The following NEGR1 variants were observed in gnomAD, a reference collection of about 807,000 sequenced individuals.
NEGR1 encodes the protein IgLON family member 4.
Under a neutral mutation model 40.9 loss-of-function variants are expected in NEGR1, and 10 were observed. The observed-to-expected ratio is 0.24, with a 90% CI of 0.15 to 0.42. The LOEUF (loss-of-function observed/expected upper bound fraction) is 0.42. Among genes scored for constraint, NEGR1 ranks in the 10% least tolerant of loss-of-function variants. The pLI, the probability that NEGR1 is intolerant of heterozygous loss-of-function variation, is 1.00. For synonymous variants in NEGR1, 185 were observed against 166.8 expected (o/e 1.11, Z -0.84); for missense variants, 352 against 438.9 (o/e 0.80, Z 1.77).
At chr1:71,634,942 G>A (rs1570132730) in intron 4 of NEGR1, among the ~76,000 whole-genome samples, 2 of 152,184 alleles carry the variant, frequency 1.3e-5, no homozygotes, top group South Asian at 4.1e-4. Context: ...TTAAAGGCCT[G>A]GGCAGGAATA....
At chr1:72,114,411 G>T (rs966387752) in intron 1 of NEGR1, among the ~76,000 whole-genome samples, 8 of 151,608 alleles carry the variant, frequency 5.3e-5, no homozygotes, top group Non-Finnish European at 7.4e-5. Flanking sequence ...ACAATCACAT[G>T]AGCCAATTCC....
intron 6 of NEGR1, among the ~76,000 whole-genome samples, chr1:71,572,184 C>T (rs1187329170): frequency 1.3e-5 from 2 of 152,108 alleles, no homozygotes; most frequent in Non-Finnish European, 2.9e-5. Flanking sequence ...ATTGGTGACC[C>T]CTCTGATCTC....
At chr1:72,143,605 AT>A (rs1650766581) in intron 1 of NEGR1, among the ~76,000 whole-genome samples, 2 of 151,330 alleles carry the variant, frequency 1.3e-5, no homozygotes, top group South Asian at 2.1e-4. Context: ...TTAATTCATT[AT>A]TTTTCTGATT....
At chr1:72,119,693 T>C (rs1649725055) in intron 1 of NEGR1, among the ~76,000 whole-genome samples, 2 of 151,980 alleles carry the variant, frequency 1.3e-5, no homozygotes, top group Admixed American at 1.3e-4. Flanking sequence ...ATATTTTTAG[T>C]TGCCACAGCT....
rs539603961 is a variant in NEGR1 at position 71,396,372 on chromosome 1, A to T, written c.*11074T>A. 2.0e-5 allele frequency: 3 copies of T among 152,356 alleles called. No individual in the cohort carries two copies. The highest frequency in any genetic ancestry group is 7.2e-5 in the African/African-American group (3 of 41,592). The allele number at this position is 152,356 out of a possible 1,614,324, so 9.4% of individuals were successfully genotyped here. A position where few individuals can be genotyped will look rare whatever the true frequency, so the allele number is the denominator to read the frequency against. ...ATTTTATTGTCAAATAAGTGGATGG[A>T]TTAATGAATGAATGAATGCCACATG... On this transcript the variant is annotated 3_prime_UTR_variant, in exon 7 of 7. Coordinates refer to ENST00000357731, the MANE Select transcript of NEGR1 (RefSeq NM_173808.3).
At chr1:72,203,350 C>A (rs1246562215) in intron 1 of NEGR1, among the ~76,000 whole-genome samples, 1 of 151,982 alleles carries the variant, frequency 6.6e-6, no homozygotes, top group Non-Finnish European at 1.5e-5. Flanking sequence ...TTGAGCAGTT[C>A]AAATCTCCAC....
intron 6 of NEGR1, chr1:71,570,886 T>G (rs1227460773): frequency 6.6e-6 from 1 of 152,046 alleles, no homozygotes; most frequent in African/African-American, 2.4e-5. Flanking sequence ...TTATTGTGTT[T>G]GTGTGATTTT....
At chr1:71,593,558 C>A (rs772073112) in intron 5 of NEGR1, among the ~76,000 whole-genome samples, 178 of 152,228 alleles carry the variant, frequency 1.2e-3, no homozygotes, top group Non-Finnish European at 2.1e-3. Context: ...AAAGTTGAGT[C>A]CCATCACTGT....
intron 1 of NEGR1, among the ~76,000 whole-genome samples, chr1:72,174,091 T>TA (rs1398494288): frequency 1.3e-5 from 2 of 152,202 alleles, no homozygotes; most frequent in South Asian, 2.1e-4. Context: ...TTGTTTTTTT[T>TA]AAAAAAACTG....
rs1339899074 is a variant in NEGR1 at position 72,199,146 on chromosome 1, C to CAGAGAGAGAGAGAG, written c.176+83172_176+83173insCTCTCTCTCTCTCT. On this transcript the variant is annotated intron_variant, in intron 1 of 6. Transcript: ENST00000357731. ...TACATTGGAGATCTATCTAGATAGA[C>CAGAGAGAGAGAGAG]AGACAGAGAGAGAGAGAGAGAGAGA... Among the ~76,000 whole-genome samples, 244 of 139,128 alleles carry CAGAGAGAGAGAGAG rather than the reference C, an allele frequency of 1.8e-3. 3 individuals are homozygous for CAGAGAGAGAGAGAG. The highest frequency in any genetic ancestry group is 6.5e-3 in the African/African-American group (232 of 35,654). The allele number at this position is 139,128 out of a possible 152,430, so 91.3% of individuals were successfully genotyped here. A position where few individuals can be genotyped will look rare whatever the true frequency, so the allele number is the denominator to read the frequency against.
At chr1:71,662,943 GT>G (rs1652115407) in intron 4 of NEGR1, among the ~76,000 whole-genome samples, 1 of 151,228 alleles carries the variant, frequency 6.6e-6, no homozygotes, top group East Asian at 1.9e-4. Context: ...TACCAGTTTT[GT>G]TTTTTAGTGT....
At chr1:72,047,682 T>G (rs907190917) in intron 1 of NEGR1, among the ~76,000 whole-genome samples, 1 of 151,406 alleles carries the variant, frequency 6.6e-6, no homozygotes, top group Non-Finnish European at 1.5e-5. Flanking sequence ...CTATTATAAG[T>G]AATCACTCTA....
chr1:71,509,145 A>G (rs1647056040), intron 6 of NEGR1, among the ~76,000 whole-genome samples: 1 of 152,212 alleles, frequency 6.6e-6, no homozygotes. Context: ...GCCCTCAGGA[A>G]GAGTAACTGC....
intron 1 of NEGR1, among the ~76,000 whole-genome samples, chr1:71,948,728 G>A (rs182935437): frequency 1.5e-4 from 23 of 152,084 alleles, no homozygotes; most frequent in African/African-American, 5.3e-4. Flanking sequence ...AGCATCTAGT[G>A]GACAGCTGGA....
At chr1:72,221,409 C>T (rs928902518) in intron 1 of NEGR1, among the ~76,000 whole-genome samples, 3 of 151,832 alleles carry the variant, frequency 2.0e-5, no homozygotes, top group African/African-American at 7.3e-5. Context: ...ATCTAAATCT[C>T]GGATGATTGT....
chr1:71,664,144 T>G lies in NEGR1; in HGVS notation c.667+33864A>C, dbSNP rs149282228. On this transcript the variant is annotated intron_variant, in intron 4 of 6. Coordinates refer to ENST00000357731, the MANE Select transcript of NEGR1 (RefSeq NM_173808.3). Reference sequence around the variant, plus strand: ...TTTCTTCTATTCACATATGGCAGTTTCAAACCCTACTCCTTTCTTAGATCC... The same window carrying G: ...TTTCTTCTATTCACATATGGCAGTTGCAAACCCTACTCCTTTCTTAGATCC... 2.1e-4 allele frequency among the ~76,000 whole-genome samples: 32 copies of G among 152,336 alleles called. No individual in the cohort carries two copies. The East Asian group carries it at 6.0e-3, about 28-fold the overall frequency.
intron 2 of NEGR1, among the ~76,000 whole-genome samples, chr1:71,878,204 T>C (rs548101843): frequency 6.6e-6 from 1 of 152,322 alleles, no homozygotes; most frequent in South Asian, 2.1e-4. Flanking sequence ...TAACCTTTTT[T>C]TGCAAGTTTT....
At chr1:71,695,439 T>C (rs551126286) in intron 4 of NEGR1, among the ~76,000 whole-genome samples, 2 of 151,758 alleles carry the variant, frequency 1.3e-5, no homozygotes, top group African/African-American at 4.8e-5. Flanking sequence ...ACTGTACTTA[T>C]CTACCTGAAA....
chr1:72,009,248 G>C (rs1646635927), intron 1 of NEGR1, among the ~76,000 whole-genome samples: 1 of 151,986 alleles, frequency 6.6e-6, no homozygotes, highest in South Asian at 2.1e-4. Flanking sequence ...AATAATCAGA[G>C]CTCAAACGTG....
Sources: allele counts gnomAD v4.1 joint callset (sites outside exome capture counted in the v4.1 genomes callset), GRCh38; gene constraint gnomAD v4.1.1; transcripts MANE v1.5; gene names NCBI Gene and HGNC (gene_info 2026-07-23, HGNC 2026-07-21).